OSBPL6: variants seen among roughly 807,000 people sequenced by gnomAD.
OSBPL6 encodes the protein oxysterol-binding protein-related protein 6.
OSBPL6 carries 49 observed loss-of-function variants against 125.8 expected under a neutral mutation model. The ratio of observed to expected loss-of-function variants is 0.39; its 90% CI spans 0.31 to 0.49. The LOEUF is 0.49. Among genes scored for constraint, OSBPL6 ranks in the 20% least tolerant of loss-of-function variants. The probability of loss-of-function intolerance (pLI) is 0.88; values close to 1 mark genes in which losing one functional copy is unlikely to be tolerated. For missense variants in OSBPL6, 986 were observed against 1,135.4 expected, an observed-to-expected ratio of 0.87 and a Z score of 1.89; for synonymous variants, 394 against 391.8, an observed-to-expected ratio of 1.01 and a Z score of -0.07.
chr2:178,217,081 T>A (rs554895809), intron 1 of OSBPL6, among the ~76,000 whole-genome samples: 43 of 152,304 alleles, frequency 2.8e-4, no homozygotes, highest in Non-Finnish European at 5.1e-4. Context: ...AGATGATTAT[T>A]ATATAAGAGA....
chr2:178,387,211 A>G (rs2154116681), intron 20 of OSBPL6, 72 bp downstream of exon 20: 1 of 1,219,226 alleles, frequency 8.2e-7, no homozygotes, highest in African/African-American at 1.5e-5. Context: ...TTTAAACTCT[A>G]GAAGATGGTA....
chr2:178,225,744 A>G (rs1316064742), intron 1 of OSBPL6, among the ~76,000 whole-genome samples: 2 of 152,208 alleles, frequency 1.3e-5, no homozygotes, highest in African/African-American at 4.8e-5. Flanking sequence ...GAGCTTGTTC[A>G]GAGAAACTCC....
chr2:178,297,464 T>C (rs979041457), intron 2 of OSBPL6, among the ~76,000 whole-genome samples: 7 of 152,070 alleles, frequency 4.6e-5, no homozygotes, highest in Non-Finnish European at 7.4e-5. Context: ...GAACTAATAT[T>C]AGGGTGGATA....
intron 1 of OSBPL6, among the ~76,000 whole-genome samples, chr2:178,266,883 A>T (rs1023689357): frequency 2.6e-5 from 4 of 152,136 alleles, no homozygotes; most frequent in African/African-American, 9.7e-5. Flanking sequence ...CCCTTAGAAA[A>T]GTTGCACTTA....
chr2:178,229,923 T>A (rs1037234110), intron 1 of OSBPL6, among the ~76,000 whole-genome samples: 1 of 152,202 alleles, frequency 6.6e-6, no homozygotes, highest in African/African-American at 2.4e-5. Flanking sequence ...AAAGAAGTCC[T>A]CCAGGTGATT....
chr2:178,323,488 A>T (rs1434911843), intron 3 of OSBPL6: 1 of 151,806 alleles, frequency 6.6e-6, no homozygotes, highest in East Asian at 1.9e-4. Flanking sequence ...TTTGTGATGG[A>T]GTTTCCTTCT....
chr2:178,282,497 G>C (rs189353382), intron 1 of OSBPL6, among the ~76,000 whole-genome samples: 2 of 152,280 alleles, frequency 1.3e-5, no homozygotes, highest in South Asian at 4.1e-4. Context: ...ACAGAGGAAC[G>C]GGGGTGAATG....
chr2:178,303,374 C>A (rs1488245411), intron 2 of OSBPL6, among the ~76,000 whole-genome samples: 1 of 152,102 alleles, frequency 6.6e-6, no homozygotes, highest in African/African-American at 2.4e-5. Context: ...TCACAGTTTA[C>A]AAAAATTCCC....
Position 178,349,253 on chromosome 2 carries a change from T to G in OSBPL6, c.1017T>G (p.Val339=), listed in dbSNP as rs1691009153. 6.2e-7 allele frequency: 1 copy of G among 1,614,162 alleles called. No homozygotes were observed. Among genetic ancestry groups the G allele is most frequent in the East Asian group, 2.2e-5 (1 of 44,882 alleles). Residue 339 remains valine (V), a synonymous_variant, in exon 12 of 25, where the codon GTT becomes GTG. Transcript: ENST00000190611. Reference sequence around the variant, plus strand: ...CTTTCAGTGCTACCATGTCACCAGTTCGCTTGCATTCCTCCAACCCCAACC... The same window carrying G: ...CTTTCAGTGCTACCATGTCACCAGTGCGCTTGCATTCCTCCAACCCCAACC... ...QVPFSATMSP[V]RLHSSNPNLC...
Position 178,214,071 on chromosome 2 carries a change from G to A in OSBPL6, c.-351+19397G>A, listed in dbSNP as rs1330951209. Among the ~76,000 whole-genome samples the A allele has an allele frequency of 3.3e-5, 5 of 152,120 alleles. No individual in the cohort carries two copies. The East Asian group carries it at 9.6e-4, about 29-fold the overall frequency. On this transcript the variant is annotated intron_variant, in intron 1 of 24. Transcript: ENST00000190611. The stretch of plus-strand genomic sequence containing the variant: ...ATGACTGATGATGTCCCACTATCCT[G>A]TAAACTCCCTAAGAGCAGGGACCAT...
chr2:178,302,735 T>C (rs966034804), intron 2 of OSBPL6, among the ~76,000 whole-genome samples: 9 of 152,204 alleles, frequency 5.9e-5, no homozygotes, highest in African/African-American at 1.2e-4. Flanking sequence ...TGCCCTTTTA[T>C]CATAAACAAG....
intron 5 of OSBPL6, among the ~76,000 whole-genome samples, chr2:178,329,688 G>A (rs984497116): frequency 2.0e-5 from 3 of 152,096 alleles, no homozygotes; most frequent in Admixed American, 2.0e-4. Context: ...GCCTCCCAAA[G>A]TGCTGGGATT....
At chr2:178,386,232 T>A (rs572582089) in intron 19 of OSBPL6, among the ~76,000 whole-genome samples, 3 of 152,304 alleles carry the variant, frequency 2.0e-5, no homozygotes, top group Non-Finnish European at 4.4e-5. Flanking sequence ...AGATGACAGA[T>A]CATTTCTTGG....
At chr2:178,202,819 C>CAA (rs201542787) in intron 1 of OSBPL6, among the ~76,000 whole-genome samples, 12 of 78,210 alleles carry the variant, frequency 1.5e-4, no homozygotes, top group Admixed American at 4.3e-4. Flanking sequence ...GAGACTGTCT[C>CAA]AAAAAAAAAA....
chr2:178,267,227 G>A lies in OSBPL6; in HGVS notation c.-350-17700G>A, dbSNP rs1246040237. On this transcript the variant is annotated intron_variant, in intron 1 of 24. Coordinates refer to ENST00000190611, the MANE Select transcript of OSBPL6 (RefSeq NM_032523.4). ...AAATTAGCCGGGCATGGTGGCTTGT[G>A]TGTGTAGTCCCAGCTACTCAGGAGG... is the stretch of plus-strand genomic sequence containing the variant. Among the ~76,000 whole-genome samples, 9 of 151,754 alleles carry A rather than the reference G, an allele frequency of 5.9e-5. No individual in the cohort carries two copies. In the East Asian group the frequency reaches 9.7e-4, roughly 16 times the overall value.
At chr2:178,199,983 A>C (rs2089153017) in intron 1 of OSBPL6, among the ~76,000 whole-genome samples, 1 of 152,202 alleles carries the variant, frequency 6.6e-6, no homozygotes, top group African/African-American at 2.4e-5. Flanking sequence ...CTGTGTAAGA[A>C]ATATTTTAAA....
At chr2:178,251,055 G>C (rs74405420) in intron 1 of OSBPL6, among the ~76,000 whole-genome samples, 1 of 152,172 alleles carries the variant, frequency 6.6e-6, no homozygotes, top group African/African-American at 2.4e-5. Context: ...AGAAGAGTGA[G>C]TGTGTATTTG....
Position 178,332,671 on chromosome 2 carries a change from G to A in OSBPL6, c.403G>A (p.Asp135Asn). The change falls in exon 7 of 25, where the codon GAT becomes AAT. Residue 135 changes from aspartate (D) to asparagine (N), a missense_variant. By Grantham distance (23) the Asp-to-Asn change is conservative (BLOSUM62 1). This residue lies in a region of OSBPL6 where 843 missense variants were observed against 997.3 expected (regional missense o/e 0.85). Coordinates refer to ENST00000190611, the MANE Select transcript of OSBPL6 (RefSeq NM_032523.4). ...IQKGKVHGSIDVGLSVMSIKK... is the reference protein window; with the variant it reads ...IQKGKVHGSINVGLSVMSIKK... Reference sequence around the variant, plus strand: ...GAAAGGAAAGGTCCATGGGAGCATAGATGTGGGACTCTCAGTCATGTCAAT... The same window carrying A: ...GAAAGGAAAGGTCCATGGGAGCATAAATGTGGGACTCTCAGTCATGTCAAT... 1.2e-6 allele frequency: 2 copies of A among 1,614,054 alleles called. No individual in the cohort carries two copies. Among genetic ancestry groups the A allele is most frequent in the East Asian group, 4.5e-5 (2 of 44,882 alleles).
chr2:178,197,540 G>A (rs982961162), intron 1 of OSBPL6, among the ~76,000 whole-genome samples: 10 of 152,086 alleles, frequency 6.6e-5, no homozygotes, highest in Admixed American at 2.6e-4. Flanking sequence ...CAAACCCTAT[G>A]TATATGCTTC....
Sources: allele counts gnomAD v4.1 joint callset (sites outside exome capture counted in the v4.1 genomes callset), GRCh38; gene constraint gnomAD v4.1.1; regional missense constraint gnomAD v4.1.1; transcripts MANE v1.5; gene names NCBI Gene and HGNC (gene_info 2026-07-23, HGNC 2026-07-21).